GLIS3: variants seen among roughly 807,000 people sequenced by gnomAD.
The protein encoded by GLIS3 is GLIS family zinc finger 3.
GLIS3 carries 53 observed loss-of-function variants against 78.6 expected under a neutral mutation model. The ratio of observed to expected loss-of-function variants is 0.67; its 90% CI spans 0.54 to 0.85. GLIS3 has a LOEUF of 0.85. Among genes scored for constraint, GLIS3 ranks in the 40% least tolerant of loss-of-function variants. The pLI, the probability that GLIS3 is intolerant of heterozygous loss-of-function variation, is 0.00. For missense variants in GLIS3, 1,703 were observed against 1,231.1 expected, an observed-to-expected ratio of 1.38 and a Z score of -5.74; for synonymous variants, 684 against 509.9, an observed-to-expected ratio of 1.34 and a Z score of -4.60.
At chr9:3,922,474 T>C (rs1443453207) in intron 6 of GLIS3, among the ~76,000 whole-genome samples, 2 of 152,238 alleles carry the variant, frequency 1.3e-5, no homozygotes, top group Admixed American at 1.3e-4. Flanking sequence ...TTTACACAGA[T>C]AGGCATCGCT....
intron 4 of GLIS3, among the ~76,000 whole-genome samples, chr9:3,996,728 T>C (rs1820770993): frequency 6.6e-6 from 1 of 152,074 alleles, no homozygotes; most frequent in Non-Finnish European, 1.5e-5. Context: ...ACATAGAGAA[T>C]GAATGAAGTC....
chr9:4,164,659 G>C (rs1469251754), intron 2 of GLIS3, among the ~76,000 whole-genome samples: 2 of 152,176 alleles, frequency 1.3e-5, no homozygotes, highest in Non-Finnish European at 2.9e-5. Context: ...GCTGCTTAGA[G>C]GGCGTTATGT....
the GLIS3 span, among the ~76,000 whole-genome samples, chr9:4,417,057 G>A: frequency 2.0e-5 from 3 of 151,986 alleles, no homozygotes; most frequent in Admixed American, 6.6e-5. Context: ...TTTGTAAAAC[G>A]TCACATGAGT....
At chr9:3,877,655 G>T (rs866751623) in intron 8 of GLIS3, among the ~76,000 whole-genome samples, 1 of 152,026 alleles carries the variant, frequency 6.6e-6, no homozygotes, top group Non-Finnish European at 1.5e-5. Flanking sequence ...ACTTATAAAT[G>T]AATTTTGGTC....
At chr9:4,255,291 A>C (rs911905734) in intron 2 of GLIS3, among the ~76,000 whole-genome samples, 1 of 152,342 alleles carries the variant, frequency 6.6e-6, no homozygotes, top group African/African-American at 2.4e-5. Context: ...GCTACTTTGG[A>C]AGACAGTATG....
chr9:4,222,029 G>C (rs1821371406), intron 2 of GLIS3, among the ~76,000 whole-genome samples: 1 of 152,186 alleles, frequency 6.6e-6, no homozygotes, highest in Non-Finnish European at 1.5e-5. Context: ...TTTGGCTCTT[G>C]AGTTGAAGTT....
chr9:3,949,703 TA>T (rs1215450657), intron 4 of GLIS3, among the ~76,000 whole-genome samples: 1 of 152,238 alleles, frequency 6.6e-6, no homozygotes, highest in African/African-American at 2.4e-5. Context: ...TAATACATAT[TA>T]GGTGCTCAAC....
At chr9:3,931,640 G>C (rs932042495) in intron 6 of GLIS3, among the ~76,000 whole-genome samples, 1 of 152,170 alleles carries the variant, frequency 6.6e-6, no homozygotes, top group African/African-American at 2.4e-5. Context: ...TCTGTCTCTG[G>C]AGGGGTTGAA....
At chr9:4,267,723 T>A (rs1324767032) in intron 2 of GLIS3, among the ~76,000 whole-genome samples, 1 of 152,140 alleles carries the variant, frequency 6.6e-6, no homozygotes, top group Non-Finnish European at 1.5e-5. Flanking sequence ...GAAAGGAATA[T>A]CTTAAGTCAT....
At chr9:4,326,529 T>G (rs1056728527) in intron 2 of GLIS3, among the ~76,000 whole-genome samples, 4 of 151,136 alleles carry the variant, frequency 2.6e-5, no homozygotes, top group African/African-American at 7.3e-5. Context: ...GGAGTAGTGT[T>G]TACCAGGGGG....
intron 8 of GLIS3, among the ~76,000 whole-genome samples, chr9:3,875,433 A>ATT (rs144363992): frequency 8.6e-5 from 13 of 151,882 alleles, no homozygotes; most frequent in African/African-American, 1.9e-4. Context: ...GACTCAGCCC[A>ATT]TTTTTTTTAG....
At chr9:4,350,594 G>A (rs1319569475), upstream of GLIS3, among the ~76,000 whole-genome samples, 1 of 151,982 alleles carries the variant, frequency 6.6e-6, no homozygotes, top group East Asian at 1.9e-4. Context: ...CTATTTTGGG[G>A]TGGGGATAAG....
At chr9:4,431,117 T>C in the GLIS3 span, among the ~76,000 whole-genome samples, 1 of 152,202 alleles carries the variant, frequency 6.6e-6, no homozygotes, top group Admixed American at 6.5e-5. Flanking sequence ...GTTAAATCAC[T>C]AGCAACTCAA....
intron 9 of GLIS3, among the ~76,000 whole-genome samples, chr9:3,838,243 TAA>T (rs757660874): frequency 1.4e-4 from 21 of 152,174 alleles, no homozygotes; most frequent in Non-Finnish European, 2.6e-4. Flanking sequence ...GTTGACTGAA[TAA>T]ATGTAAGGAA....
chr9:4,193,855 A>C (rs2131229932), intron 2 of GLIS3, among the ~76,000 whole-genome samples: 1 of 152,292 alleles, frequency 6.6e-6, no homozygotes, highest in Middle Eastern at 3.4e-3. Flanking sequence ...TCAATAAGTC[A>C]CTTTTCATGT....
chr9:3,847,918 A>G, intron 9 of GLIS3, among the ~76,000 whole-genome samples: 1 of 151,300 alleles, frequency 6.6e-6, no homozygotes, highest in South Asian at 2.1e-4. Context: ...CTGATATGGA[A>G]AATTATTCCT....
intron 8 of GLIS3, among the ~76,000 whole-genome samples, chr9:3,876,397 C>G (rs1821310458): frequency 6.6e-6 from 1 of 151,710 alleles, no homozygotes; most frequent in South Asian, 2.1e-4. Context: ...AAATCTCCAG[C>G]TATAGAAAAC....
intron 4 of GLIS3, among the ~76,000 whole-genome samples, chr9:4,096,140 G>T (rs1829930234): frequency 6.6e-6 from 1 of 151,806 alleles, no homozygotes; most frequent in Non-Finnish European, 1.5e-5. Flanking sequence ...TTGACCAAAG[G>T]ATTAAATAGT....
the GLIS3 span, among the ~76,000 whole-genome samples, chr9:4,371,560 C>T: frequency 6.6e-6 from 1 of 152,156 alleles, no homozygotes; most frequent in Non-Finnish European, 1.5e-5. Flanking sequence ...ATGGGGACAC[C>T]CTACCACCCC....
Sources: gnomAD v4.1 joint callset for allele counts (sites outside exome capture counted in the v4.1 genomes callset) on GRCh38, gnomAD v4.1.1 for gene constraint, MANE v1.5 for transcripts, NCBI Gene and HGNC (gene_info 2026-07-23, HGNC 2026-07-21) for gene names.